The following TEX14 variants were observed in gnomAD, a reference collection of about 807,000 sequenced individuals.
The protein encoded by TEX14 is testis expressed 14, intercellular bridge forming factor, also known as inactive serine/threonine-protein kinase TEX14.
A neutral mutation model predicts 178.6 loss-of-function variants in TEX14; 168 were observed. The observed-to-expected ratio is 0.94, with a 90% CI of 0.83 to 1.07. The LOEUF (loss-of-function observed/expected upper bound fraction) is 1.07, where lower values mean the gene tolerates loss of function less well. TEX14 is among the 50% of genes least tolerant of loss of function. The pLI, the probability that TEX14 is intolerant of heterozygous loss-of-function variation, is 0.00. For missense variants in TEX14, 1,730 were observed against 1,753.6 expected (o/e 0.99, Z 0.24); for synonymous variants, 626 against 634.1 (o/e 0.99, Z 0.19).
At chr17:58,681,282 A>G (rs1192158438) in intron 1 of TEX14, among the ~76,000 whole-genome samples, 6 of 152,140 alleles carry the variant, frequency 3.9e-5, no homozygotes, top group Admixed American at 3.9e-4. Flanking sequence ...AATAAAAATG[A>G]AAATAAAAAT....
At chr17:58,586,148 A>G in intron 17 of TEX14, 66 bp from the exon 18 acceptor site, 1 of 1,481,318 alleles carries the variant, frequency 6.8e-7, no homozygotes, top group Non-Finnish European at 9.1e-7. Flanking sequence ...GCTTTCATCT[A>G]AAAGAAATAC....
At chr17:58,626,278 C>A (rs1037563039) in intron 3 of TEX14, among the ~76,000 whole-genome samples, 5 of 152,092 alleles carry the variant, frequency 3.3e-5, no homozygotes, top group Admixed American at 3.3e-4. Flanking sequence ...AGGAATAAAG[C>A]CTCCTGGCTG....
chr17:58,600,710 A>G (rs2045413827), intron 13 of TEX14, among the ~76,000 whole-genome samples: 1 of 152,098 alleles, frequency 6.6e-6, no homozygotes, highest in Non-Finnish European at 1.5e-5. Context: ...TAAGCTGTCA[A>G]AGTAATGAGG....
At chr17:58,617,358 CACAAATTTGTTAGTAAG>C (rs2045896054) in intron 6 of TEX14, among the ~76,000 whole-genome samples, 163 bp downstream of exon 6, 1 of 152,160 alleles carries the variant, frequency 6.6e-6, no homozygotes, top group Admixed American at 6.5e-5. Flanking sequence ...CTGGGGTTTT[CACAAATTTGTTAGTAAG>C]ACAGGAACAC....
At chr17:58,659,157 A>T (rs1440762760) in intron 1 of TEX14, among the ~76,000 whole-genome samples, 2 of 151,270 alleles carry the variant, frequency 1.3e-5, no homozygotes, top group Non-Finnish European at 2.9e-5. Flanking sequence ...AGGACAGAAA[A>T]GCGCAAAAGC....
At chr17:58,595,073 C>T (rs560494175) in intron 14 of TEX14, among the ~76,000 whole-genome samples, 1 of 152,014 alleles carries the variant, frequency 6.6e-6, no homozygotes, top group Non-Finnish European at 1.5e-5. Flanking sequence ...GATGCTTCAC[C>T]ATAACAGGTG....
chr17:58,599,433 CT>C lies in TEX14; in HGVS notation c.1911del (p.Glu638SerfsTer17), dbSNP rs752485741. ...SGCLILEDDI[E>X]EPPGAASSLE... ...AAAGATGAAGCAGCTCCTGGAGGCT[CT>C]TCTATGTCATCTTCCAAAATCAAGC... On this transcript the variant is annotated frameshift_variant, in exon 14 of 32. Transcript: ENST00000349033. LOFTEE classifies it high-confidence loss of function. 1.2e-6 allele frequency: 2 copies of C among 1,614,162 alleles called. No homozygotes were observed. The highest frequency in any genetic ancestry group is 2.2e-5 in the South Asian group (2 of 91,084).
At chr17:58,595,887 T>C (rs1204072076) in intron 14 of TEX14, among the ~76,000 whole-genome samples, 1 of 152,250 alleles carries the variant, frequency 6.6e-6, no homozygotes, top group African/African-American at 2.4e-5. Flanking sequence ...AAATATAATA[T>C]ATAAAAGTTA....
Position 58,595,424 on chromosome 17 carries a change from T to G in TEX14, c.2470-1763A>C, listed in dbSNP as rs575220356. Among the ~76,000 whole-genome samples the G allele has an allele frequency of 8.3e-4, 127 of 152,182 alleles. 1 individual carries two copies. The highest frequency in any genetic ancestry group is 7.5e-3 in the South Asian group (36 of 4,822). On this transcript the variant is annotated intron_variant, in intron 14 of 31. Coordinates refer to ENST00000349033, the MANE Select transcript of TEX14 (RefSeq NM_031272.5). ...CCACGCCTCCTATAAGGAGCTAGAG[T>G]CTATTTCCCCACCCAGTGAATCTGG... is the stretch of plus-strand genomic sequence containing the variant.
At chr17:58,580,917 G>A (rs1396696660) in intron 19 of TEX14, among the ~76,000 whole-genome samples, 1 of 152,166 alleles carries the variant, frequency 6.6e-6, no homozygotes, top group Non-Finnish European at 1.5e-5. Flanking sequence ...GCAGGCTGGA[G>A]TTAATTAATT....
At chr17:58,627,309 TG>T (rs1314685396) in intron 3 of TEX14, among the ~76,000 whole-genome samples, 1 of 152,222 alleles carries the variant, frequency 6.6e-6, no homozygotes, top group Non-Finnish European at 1.5e-5. Flanking sequence ...TAAATGCAGA[TG>T]ACTATAAAAT....
rs550612744 is a variant in TEX14 at position 58,569,123 on chromosome 17, ACAC to A, written c.3886+66_3886+68del. ...ACTAGTGTTCACACTTGAGACAAAG[ACAC>A]CATACTGTGGTCAGTGACATAACTA... On this transcript the variant is annotated intron_variant, in intron 26 of 31. Transcript: ENST00000349033. The surrounding 1 kb of genome is among the most constrained non-coding windows in gnomAD (Gnocchi z 4.1). The A allele has an allele frequency of 3.7e-5, 48 of 1,294,082 alleles. No individual in the cohort carries two copies. In the Admixed American group the frequency reaches 6.5e-4, roughly 18 times the overall value. 80.2% of individuals were successfully genotyped at this position (1,294,082 alleles called of 1,614,324 possible).
chr17:58,570,703 G>A (rs1009235875), intron 24 of TEX14, among the ~76,000 whole-genome samples: 2 of 130,262 alleles, frequency 1.5e-5, no homozygotes, highest in Non-Finnish European at 3.1e-5. Flanking sequence ...TCAGCTCACT[G>A]CAACCTTCAC....
chr17:58,557,776 A>C, intron 31 of TEX14, 23 bp downstream of exon 31: 1 of 1,600,728 alleles, frequency 6.2e-7, no homozygotes, highest in Non-Finnish European at 8.5e-7. Flanking sequence ...CTTTTGATCT[A>C]CAAACATCTG....
At chr17:58,606,566 T>C (rs1286649272) in intron 10 of TEX14, among the ~76,000 whole-genome samples, 1 of 152,128 alleles carries the variant, frequency 6.6e-6, no homozygotes, top group Non-Finnish European at 1.5e-5. Context: ...GTATTGACTT[T>C]AGTTATATTG....
At chr17:58,661,158 G>C (rs771291603) in intron 1 of TEX14, 4 of 820,874 alleles carry the variant, frequency 4.9e-6, no homozygotes, top group East Asian at 2.4e-5. Context: ...ACGAGGCTAG[G>C]ATAAGCCGTG....
chr17:58,565,424 A>C (rs1382973581), intron 27 of TEX14, among the ~76,000 whole-genome samples: 1 of 152,190 alleles, frequency 6.6e-6, no homozygotes, highest in African/African-American at 2.4e-5. Context: ...TACATATGCT[A>C]TCTCATTCCA....
chr17:58,621,799 G>A lies in TEX14; in HGVS notation c.418-13C>T, dbSNP rs200366670. On this transcript the variant is annotated splice_polypyrimidine_tract_variant and intron_variant, in intron 4 of 31. Coordinates refer to ENST00000349033, the MANE Select transcript of TEX14 (RefSeq NM_031272.5). Reference sequence around the variant, plus strand: ...TGAACTCCACTATCTGCAAAACATCGCAGAGATGCCCAGTGCGGGCGCACC... The same window carrying A: ...TGAACTCCACTATCTGCAAAACATCACAGAGATGCCCAGTGCGGGCGCACC... The A allele has an allele frequency of 2.4e-4, 391 of 1,609,858 alleles. No individual in the cohort carries two copies. The highest frequency in any genetic ancestry group is 2.9e-4 in the Non-Finnish European group (343 of 1,177,578).
Position 58,583,655 on chromosome 17 carries a change from C to T in TEX14, c.3171+845G>A, listed in dbSNP as rs545867590. Among the ~76,000 whole-genome samples, 57 of 152,296 alleles carry T rather than the reference C, an allele frequency of 3.7e-4. 1 individual carries two copies. The highest frequency in any genetic ancestry group is 8.3e-4 in the South Asian group (4 of 4,826). Reference sequence around the variant, plus strand: ...TCCCTTCCTGTGCACTTAACAGCTGCTCCTCTTTACCTCTCATCAAACTGA... The same window carrying T: ...TCCCTTCCTGTGCACTTAACAGCTGTTCCTCTTTACCTCTCATCAAACTGA... On this transcript the variant is annotated intron_variant, in intron 19 of 31. Transcript: ENST00000349033.
Sources: gnomAD v4.1 joint callset for allele counts (sites outside exome capture counted in the v4.1 genomes callset) on GRCh38, gnomAD v4.1.1 for gene constraint, Gnocchi (gnomAD v3.1) non-coding constraint, MANE v1.5 for transcripts, NCBI Gene and HGNC (gene_info 2026-07-23, HGNC 2026-07-21) for gene names.